MAP7: variants seen among roughly 807,000 people sequenced by gnomAD.
The protein encoded by MAP7 is microtubule associated protein 7.
In MAP7, 52 loss-of-function variants were observed where a neutral mutation model predicts 94.8. The ratio of observed to expected loss-of-function variants is 0.55; its 90% CI spans 0.44 to 0.69. MAP7 has a LOEUF of 0.69. Among genes scored for constraint, MAP7 ranks in the 30% least tolerant of loss-of-function variants. The pLI, the probability that MAP7 is intolerant of heterozygous loss-of-function variation, is 0.00. For missense variants in MAP7, 940 were observed against 964.6 expected (o/e 0.97, Z 0.34); for synonymous variants, 350 against 357.0 (o/e 0.98, Z 0.22).
intron 8 of MAP7, among the ~76,000 whole-genome samples, chr6:136,367,808 G>A (rs1463820501): frequency 6.6e-6 from 1 of 152,222 alleles, no homozygotes; most frequent in Non-Finnish European, 1.5e-5. Flanking sequence ...GGGCACTCCT[G>A]GCTGGTGTAC....
intron 1 of MAP7, among the ~76,000 whole-genome samples, chr6:136,527,875 C>A (rs899135673): frequency 6.6e-6 from 1 of 152,184 alleles, no homozygotes; most frequent in Non-Finnish European, 1.5e-5. Flanking sequence ...TTTCCCTCCA[C>A]AGGCTGCTTG....
intron 1 of MAP7, among the ~76,000 whole-genome samples, chr6:136,507,182 G>C (rs1245933448): frequency 6.6e-6 from 1 of 151,994 alleles, no homozygotes; most frequent in Non-Finnish European, 1.5e-5. Flanking sequence ...CAGAAAAGTG[G>C]GGGAAGGCAG....
chr6:136,502,360 C>T (rs1353952328), intron 1 of MAP7, among the ~76,000 whole-genome samples: 2 of 152,262 alleles, frequency 1.3e-5, no homozygotes, highest in African/African-American at 4.8e-5. Flanking sequence ...AAGTATACTA[C>T]ATTCCTTTCT....
chr6:136,385,488 G>A (rs911342274), intron 5 of MAP7, among the ~76,000 whole-genome samples: 3 of 152,130 alleles, frequency 2.0e-5, no homozygotes, highest in African/African-American at 7.2e-5. Context: ...GCTTTAGTTG[G>A]GGGAAAATTG....
chr6:136,401,690 T>G (rs941355286), intron 3 of MAP7, among the ~76,000 whole-genome samples: 4 of 151,814 alleles, frequency 2.6e-5, no homozygotes, highest in Non-Finnish European at 5.9e-5. Context: ...AAATGATGAG[T>G]TAATGGGTGC....
intron 1 of MAP7, among the ~76,000 whole-genome samples, chr6:136,515,610 T>C (rs1291975264): frequency 6.6e-6 from 1 of 152,184 alleles, no homozygotes; most frequent in African/African-American, 2.4e-5. Flanking sequence ...TCTCAAAGAA[T>C]AGGGAGGCCT....
chr6:136,526,275 G>GCT, intron 1 of MAP7: 1 of 1,063,616 alleles, frequency 9.4e-7, no homozygotes, highest in East Asian at 7.7e-5. Context: ...GTACACGCGC[G>GCT]CGCACACACA....
At chr6:136,402,422 G>C (rs1317614121) in intron 3 of MAP7, among the ~76,000 whole-genome samples, 3 of 152,224 alleles carry the variant, frequency 2.0e-5, no homozygotes. Context: ...ATTCAGTGGA[G>C]AGCTGCCTGA....
chr6:136,498,749 A>ATG (rs10634782), intron 1 of MAP7, among the ~76,000 whole-genome samples: 4,384 of 149,010 alleles, frequency 0.029, 145 homozygotes, highest in African/African-American at 0.069. Flanking sequence ...CTATATGGCA[A>ATG]TGTGTGTGTG....
intron 1 of MAP7, among the ~76,000 whole-genome samples, chr6:136,537,155 T>G (rs1828953901): frequency 6.6e-6 from 1 of 152,148 alleles, no homozygotes; most frequent in South Asian, 2.1e-4. Context: ...CTTTTTTTTT[T>G]TTTTAAACTT....
At chr6:136,447,089 T>C (rs1224072039) in intron 1 of MAP7, among the ~76,000 whole-genome samples, 1 of 152,200 alleles carries the variant, frequency 6.6e-6, no homozygotes, top group Non-Finnish European at 1.5e-5. Flanking sequence ...AGACTATCCT[T>C]TTCAATCTGT....
intron 1 of MAP7, among the ~76,000 whole-genome samples, chr6:136,496,995 A>G (rs144146395): frequency 2.6e-5 from 4 of 152,010 alleles, no homozygotes; most frequent in African/African-American, 9.7e-5. Context: ...CATTTGATCC[A>G]TAACCTAACC....
At chr6:136,437,948 G>A (rs927104526) in intron 1 of MAP7, among the ~76,000 whole-genome samples, 1 of 152,188 alleles carries the variant, frequency 6.6e-6, no homozygotes, top group Non-Finnish European at 1.5e-5. Context: ...AACTAGAAGT[G>A]TCCATGTATG....
At chr6:136,474,908 G>A (rs1025007371) in intron 1 of MAP7, among the ~76,000 whole-genome samples, 4 of 151,982 alleles carry the variant, frequency 2.6e-5, no homozygotes, top group Non-Finnish European at 5.9e-5. Flanking sequence ...TAGAGACGGG[G>A]TTTCACTATG....
At chr6:136,480,221 T>G (rs112185661) in intron 1 of MAP7, among the ~76,000 whole-genome samples, 3,096 of 152,126 alleles carry the variant, frequency 0.02, 109 homozygotes, top group East Asian at 0.14. Context: ...TTCAACAAAG[T>G]TGCCAAGAAC....
At chr6:136,446,392 G>A (rs1473677) in intron 1 of MAP7, among the ~76,000 whole-genome samples, 114,190 of 152,106 alleles carry the variant, frequency 0.75, 44,244 homozygotes, top group Middle Eastern at 0.85. Flanking sequence ...CATGGGAGAA[G>A]GGACACACCA....
rs529679286 is a variant in MAP7 at position 136,471,010 on chromosome 6, G to A, written c.68-49211C>T. On this transcript the variant is annotated intron_variant, in intron 1 of 17. Coordinates refer to ENST00000354570, the MANE Select transcript of MAP7 (RefSeq NM_003980.6). ...AACTCTTGGTGTTTGGTAGAATTGC[G>A]TTTATCTAACATAAATGCTGGGGAG... Among the ~76,000 whole-genome samples the A allele has an allele frequency of 6.6e-5, 10 of 152,144 alleles. No homozygotes were observed. The South Asian group carries it at 8.3e-4, about 13-fold the overall frequency.
chr6:136,448,601 G>A (rs1412734551), intron 1 of MAP7, among the ~76,000 whole-genome samples: 2 of 151,934 alleles, frequency 1.3e-5, no homozygotes, highest in Admixed American at 6.5e-5. Context: ...TTTTACTAGA[G>A]ACAGGGTTTC....
chr6:136,525,978 GTTT>G (rs5880298), intron 1 of MAP7: 17 of 1,230,024 alleles, frequency 1.4e-5, no homozygotes, highest in Middle Eastern at 2.4e-4. Context: ...GCTGCTACTT[GTTT>G]TTTTTTTTTT....
Sources: gnomAD v4.1 joint callset for allele counts (sites outside exome capture counted in the v4.1 genomes callset) on GRCh38, gnomAD v4.1.1 for gene constraint, MANE v1.5 for transcripts, NCBI Gene and HGNC (gene_info 2026-07-23, HGNC 2026-07-21) for gene names.